XPR1: variants seen among roughly 807,000 people sequenced by gnomAD.
XPR1 encodes solute carrier family 53 member 1.
XPR1 carries 28 observed loss-of-function variants against 87.5 expected under a neutral mutation model. The observed-to-expected ratio is 0.32, with a 90% CI of 0.24 to 0.44. XPR1 has a LOEUF of 0.44. Among genes scored for constraint, XPR1 ranks in the 20% least tolerant of loss-of-function variants. The pLI is 1.00. For missense variants in XPR1, 559 were observed against 862.3 expected (o/e 0.65, Z 4.41); for synonymous variants, 300 against 306.1 (o/e 0.98, Z 0.21).
At chr1:180,811,551 C>T in intron 7 of XPR1, 63 bp downstream of exon 7, 1 of 1,347,562 alleles carries the variant, frequency 7.4e-7, no homozygotes, top group Non-Finnish European at 1.0e-6. Flanking sequence ...TATTCTGCCC[C>T]TCTGTAAGGA....
At chr1:180,636,309 T>C (rs978055100) in intron 1 of XPR1, among the ~76,000 whole-genome samples, 2 of 152,252 alleles carry the variant, frequency 1.3e-5, no homozygotes, top group Non-Finnish European at 2.9e-5. Flanking sequence ...AACCACACTT[T>C]TTCTTTCAGA....
At chr1:180,769,101 TA>T (rs1331035025) in intron 2 of XPR1, among the ~76,000 whole-genome samples, 1 of 152,222 alleles carries the variant, frequency 6.6e-6, no homozygotes, top group African/African-American at 2.4e-5. Context: ...TTTCGTTTTT[TA>T]AAACATACAT....
At chr1:180,670,870 A>G (rs2101930557) in intron 1 of XPR1, among the ~76,000 whole-genome samples, 1 of 152,250 alleles carries the variant, frequency 6.6e-6, no homozygotes, top group South Asian at 2.1e-4. Context: ...TTTGCTGAAC[A>G]TAGGATTCTT....
intron 1 of XPR1, among the ~76,000 whole-genome samples, chr1:180,641,943 T>C (rs879424401): frequency 6.6e-6 from 1 of 152,222 alleles, no homozygotes; most frequent in Non-Finnish European, 1.5e-5. Flanking sequence ...AGTAGGGATT[T>C]AAATGTTCTT....
At position 180,884,952 on chromosome 1, in the gene XPR1, C is replaced by G. The variant is rs41267642; in HGVS notation, c.*886C>G. ...TCTCATAACAAGGAATCCCACACTT[C>G]ACACCACCGGCTGAATTTCATGGAA... On this transcript the variant is annotated 3_prime_UTR_variant, in exon 15 of 15. Transcript: ENST00000367590. 0.032 allele frequency: 4,834 copies of G among 152,372 alleles called. 115 individuals are homozygous for G. Among genetic ancestry groups the G allele is most frequent in the Non-Finnish European group, 0.045 (3,082 of 68,020 alleles). 9.4% of individuals were successfully genotyped at this position (152,372 alleles called of 1,614,324 possible). A position where few individuals can be genotyped will look rare whatever the true frequency, so the allele number is the denominator to read the frequency against.
chr1:180,853,238 T>C (rs1356220234), intron 11 of XPR1, among the ~76,000 whole-genome samples: 1 of 152,216 alleles, frequency 6.6e-6, no homozygotes, highest in Non-Finnish European at 1.5e-5. Context: ...CTGGCTTCTT[T>C]TCATTTTTTA....
intron 2 of XPR1, among the ~76,000 whole-genome samples, chr1:180,739,806 T>A (rs1419881961): frequency 1.3e-5 from 2 of 152,146 alleles, no homozygotes; most frequent in African/African-American, 4.8e-5. Context: ...AGTAGCATGA[T>A]CTCGGCTCAC....
chr1:180,696,206 G>GTATATATATATATA (rs1330154532), intron 2 of XPR1, among the ~76,000 whole-genome samples: 2 of 102,084 alleles, frequency 2.0e-5, no homozygotes, highest in African/African-American at 3.4e-5. Context: ...GTGTGTGTGT[G>GTATATATATATATA]TGTATATATA....
At chr1:180,632,593 C>T (rs932682943) in intron 1 of XPR1, among the ~76,000 whole-genome samples, 2 of 152,240 alleles carry the variant, frequency 1.3e-5, no homozygotes, top group Admixed American at 6.5e-5. Flanking sequence ...GGTGCGAGGG[C>T]AGCCCCGGGT....
chr1:180,711,095 T>A (rs1657763382), intron 2 of XPR1, among the ~76,000 whole-genome samples: 1 of 141,942 alleles, frequency 7.0e-6, no homozygotes, highest in African/African-American at 2.7e-5. Context: ...CCAGACGGGG[T>A]TGTGGCTGGG....
Position 180,824,841 on chromosome 1 carries a change from A to G in XPR1, c.852A>G (p.Leu284=). The stretch of plus-strand genomic sequence containing the variant: ...TTCTTCTGATTGAATTCCTTTTTCT[A>G]CTGGGCATCAACACGTATGGTTGGA... ...GGFLLIEFLF[L]LGINTYGWRQ... is the part of the protein sequence containing the mutation. The change falls in exon 8 of 15, where the codon CTA becomes CTG. Residue 284 remains leucine (L), a synonymous_variant. Transcript: ENST00000367590. 3 of 1,614,026 alleles carry G rather than the reference A, an allele frequency of 1.9e-6. No homozygotes were observed. Among genetic ancestry groups the G allele is most frequent in the Non-Finnish European group, 2.5e-6 (3 of 1,179,964 alleles).
chr1:180,880,466 T>C (rs1652816645), intron 14 of XPR1, among the ~76,000 whole-genome samples, 169 bp downstream of exon 14: 1 of 152,208 alleles, frequency 6.6e-6, no homozygotes, highest in African/African-American at 2.4e-5. Context: ...ATACAACCTA[T>C]GACTGTCTAA....
chr1:180,785,198 G>A (rs1466025461), intron 2 of XPR1, among the ~76,000 whole-genome samples: 1 of 151,872 alleles, frequency 6.6e-6, no homozygotes, highest in Non-Finnish European at 1.5e-5. Context: ...CACCCAGGCT[G>A]GAGTCCAGTG....
chr1:180,792,409 T>C (rs1188810932), intron 3 of XPR1, among the ~76,000 whole-genome samples: 3 of 152,334 alleles, frequency 2.0e-5, no homozygotes, highest in Non-Finnish European at 4.4e-5. Flanking sequence ...TTCTTGCCGA[T>C]GCTATTTACT....
At chr1:180,659,147 C>T (rs1655649631) in intron 1 of XPR1, among the ~76,000 whole-genome samples, 1 of 115,702 alleles carries the variant, frequency 8.6e-6, no homozygotes, top group South Asian at 3.5e-4. Flanking sequence ...TCCTTTCCTT[C>T]CTTCTTTCCC....
At chr1:180,747,829 G>A (rs185332984) in intron 2 of XPR1, among the ~76,000 whole-genome samples, 183 of 152,294 alleles carry the variant, frequency 1.2e-3, no homozygotes, top group Admixed American at 2.9e-3. Flanking sequence ...CATGAAGCAT[G>A]CCTCTATCAA....
intron 12 of XPR1, among the ~76,000 whole-genome samples, chr1:180,865,767 G>A (rs1265298739): frequency 6.6e-6 from 1 of 152,020 alleles, no homozygotes; most frequent in Non-Finnish European, 1.5e-5. Flanking sequence ...GTGATTTCTA[G>A]GTAATAAAAT....
intron 1 of XPR1, among the ~76,000 whole-genome samples, chr1:180,636,718 G>A (rs1201474458): frequency 1.3e-5 from 2 of 152,162 alleles, no homozygotes; most frequent in Admixed American, 1.3e-4. Flanking sequence ...CCAAAGGAGT[G>A]TGCCCAAAAC....
chr1:180,876,607 G>T (rs1652670615), intron 13 of XPR1, among the ~76,000 whole-genome samples: 1 of 151,504 alleles, frequency 6.6e-6, no homozygotes, highest in African/African-American at 2.4e-5. Flanking sequence ...CTGTACTGCA[G>T]CCTGGGCAAC....
Sources: allele counts gnomAD v4.1 joint callset (sites outside exome capture counted in the v4.1 genomes callset), GRCh38; gene constraint gnomAD v4.1.1; transcripts MANE v1.5; gene names NCBI Gene and HGNC (gene_info 2026-07-23, HGNC 2026-07-21).